PTPRF: variants seen among roughly 807,000 people sequenced by gnomAD.
The protein encoded by PTPRF is protein tyrosine phosphatase receptor type F.
Under a neutral mutation model 201.8 loss-of-function variants are expected in PTPRF, and 59 were observed. The observed-to-expected ratio is 0.29, with a 90% CI of 0.24 to 0.36. PTPRF has a LOEUF of 0.36. PTPRF is among the 10% of genes least tolerant of loss of function. The pLI is 1.00. For synonymous variants in PTPRF, 1,088 were observed against 1,089.7 expected, an observed-to-expected ratio of 1.00 and a Z score of 0.03; for missense variants, 2,132 against 2,690.5, an observed-to-expected ratio of 0.79 and a Z score of 4.59.
In PTPRF at chr1:43,604,041, G is replaced by A. The variant is rs1403943474; in HGVS notation, c.2889G>A (p.Glu963=). 1.2e-6 allele frequency: 2 copies of A among 1,614,276 alleles called. No homozygotes were observed. Among genetic ancestry groups the A allele is most frequent in the Non-Finnish European group, 1.7e-6 (2 of 1,180,060 alleles). ...TCCGAGACATCAACAGCCAACAGGAGCTGCAGAACATCACGACAGACACCC... is the reference window on the plus strand; with the variant it reads ...TCCGAGACATCAACAGCCAACAGGAACTGCAGAACATCACGACAGACACCC... ...VVFRDINSQQ[E]LQNITTDTRF... The change falls in exon 16 of 34, where the codon GAG becomes GAA. Residue 963 remains glutamate (E), a synonymous_variant. Transcript: ENST00000359947.
At chr1:43,549,100 C>G (rs565536444) in intron 3 of PTPRF, among the ~76,000 whole-genome samples, 1 of 152,348 alleles carries the variant, frequency 6.6e-6, no homozygotes, top group East Asian at 1.9e-4. Context: ...GGCCCCCGAC[C>G]ACTGTGTGTG....
intron 1 of PTPRF, among the ~76,000 whole-genome samples, chr1:43,532,937 G>A (rs892863761): frequency 9.2e-5 from 14 of 151,942 alleles, no homozygotes; most frequent in Admixed American, 2.0e-4. Context: ...ACCTGGGCCC[G>A]CATGCCGGCC....
At position 43,617,808 on chromosome 1, in the gene PTPRF, C is replaced by T. The variant is rs748798640; in HGVS notation, c.4268C>T (p.Thr1423Met). 3.6e-5 allele frequency: 58 copies of T among 1,614,000 alleles called. No homozygotes were observed. The highest frequency in any genetic ancestry group is 5.5e-5 in the South Asian group (5 of 91,086). ...GYRKQNAYIA[T>M]QGPLPETMGD... is the part of the protein sequence containing the mutation. ...CGCAAGCAGAATGCCTACATCGCCA[C>T]GCAGGGCCCCCTGCCCGAGACCATG... The change falls in exon 25 of 34, where the codon ACG becomes ATG. Residue 1423 changes from threonine (T) to methionine (M), a missense_variant. Thr to Met is a moderately conservative substitution (Grantham distance 81). This residue lies in a region of PTPRF where 22 missense variants were observed against 48.1 expected (regional missense o/e 0.46). Coordinates refer to ENST00000359947, the MANE Select transcript of PTPRF (RefSeq NM_002840.5).
rs370468115 is a variant in PTPRF, at chr1:43,568,069, G to A, written c.380-1521G>A. Among the ~76,000 whole-genome samples the A allele has an allele frequency of 2.6e-5, 4 of 152,220 alleles. No individual in the cohort carries two copies. In the South Asian group the frequency reaches 8.3e-4, roughly 32 times the overall value. ...CCAGCACTTTGGGAGGCCGAGGCGG[G>A]TAGATCACCAGAGGTCAGAAGTTCG... On this transcript the variant is annotated intron_variant, in intron 5 of 33. Transcript: ENST00000359947.
upstream of PTPRF, among the ~76,000 whole-genome samples, chr1:43,522,819 G>A (rs531468166): frequency 8.5e-4 from 129 of 152,300 alleles, no homozygotes; most frequent in East Asian, 5.8e-4. Context: ...GGATGAGGTG[G>A]GGAGGTAGGC....
At chr1:43,617,613 G>T (rs978094281) in intron 24 of PTPRF, 45 bp downstream of exon 24, 1 of 1,611,654 alleles carries the variant, frequency 6.2e-7, no homozygotes, top group Non-Finnish European at 8.5e-7. Flanking sequence ...TCTCCCCCTT[G>T]CTAGCTAGGG....
chr1:43,591,728 A>T, intron 9 of PTPRF, 84 bp from the exon 10 acceptor site: 1 of 1,549,368 alleles, frequency 6.5e-7, no homozygotes, highest in Non-Finnish European at 8.7e-7. Context: ...TGAGGTTAGG[A>T]CCTGACTTCC....
At chr1:43,545,230 C>T (rs1243031704) in intron 3 of PTPRF, 64 bp downstream of exon 3, 12 of 1,482,130 alleles carry the variant, frequency 8.1e-6, no homozygotes, top group Non-Finnish European at 1.0e-5. Context: ...CCCAGCAGGA[C>T]TCTGGGATGG....
rs1203282758 is a variant in PTPRF at position 43,617,493 on chromosome 1, G to T, written c.4120G>T (p.Val1374Leu). The T allele has an allele frequency of 1.9e-5, 30 of 1,614,030 alleles. No individual in the cohort carries two copies. Among genetic ancestry groups the T allele is most frequent in the Non-Finnish European group, 2.5e-5 (30 of 1,180,028 alleles). Residue 1374 changes from valine (V) to leucine (L), a missense_variant, in exon 24 of 34, where the codon GTG becomes TTG. This residue lies in a region of PTPRF where 818 missense variants were observed against 915.3 expected (regional missense o/e 0.89). Coordinates refer to ENST00000359947, the MANE Select transcript of PTPRF (RefSeq NM_002840.5). ...CACGTGGGAGAATTCAAACCTGGAG[G>T]TGAACAAGCCCAAGAACCGCTATGC... ...QFTWENSNLE[V>L]NKPKNRYANV...
intron 1 of PTPRF, among the ~76,000 whole-genome samples, chr1:43,532,076 G>T (rs753219882): frequency 6.6e-6 from 1 of 151,960 alleles, no homozygotes; most frequent in Non-Finnish European, 1.5e-5. Context: ...TGTTCTCTCC[G>T]CTTGGGTCTC....
At position 43,591,391 on chromosome 1, in the gene PTPRF, C is replaced by T. The variant is rs1161603881; in HGVS notation, c.1369C>T (p.Arg457Cys). The T allele has an allele frequency of 7.0e-6, 11 of 1,561,990 alleles. No homozygotes were observed. The highest frequency in any genetic ancestry group is 1.4e-5 in the African/African-American group (1 of 73,772). ...CGTCTACTATACTCCGGACTCCCGC[C>T]GCCCCCCGAACGCCTGGCACAAGCA... ...YRVYYTPDSR[R>C]PPNAWHKHNT... Residue 457 changes from arginine (R) to cysteine (C), a missense_variant, in exon 9 of 34, where the codon CGC becomes TGC. Arg to Cys is a radical substitution (Grantham distance 180, BLOSUM62 -3). Coordinates refer to ENST00000359947, the MANE Select transcript of PTPRF (RefSeq NM_002840.5).
Position 43,598,743 on chromosome 1 carries a change from G to A in PTPRF, c.2143G>A (p.Val715Met). The A allele has an allele frequency of 6.2e-7, 1 of 1,613,902 alleles. No homozygotes were observed. The highest frequency in any genetic ancestry group is 8.5e-7 in the Non-Finnish European group (1 of 1,179,796). The change falls in exon 13 of 34, where the codon GTG becomes ATG. Residue 715 changes from valine to methionine, a missense_variant. By Grantham distance (21) the Val-to-Met change is conservative (BLOSUM62 1). Around this residue, in one of 6 missense-constraint regions of PTPRF, gnomAD observed 125 missense variants for 211.9 expected, o/e 0.59. Coordinates refer to ENST00000359947, the MANE Select transcript of PTPRF (RefSeq NM_002840.5). ...AGTGCCCAGCGGGCCTCCGCGGAAG[G>A]TGGAGGTGGAGCCACTGAACTCCAC... is the stretch of plus-strand genomic sequence containing the variant. The part of the protein sequence containing the change: ...EDVPSGPPRK[V>M]EVEPLNSTAV...
intron 5 of PTPRF, among the ~76,000 whole-genome samples, chr1:43,556,181 TA>T (rs1645357130): frequency 6.6e-6 from 1 of 152,292 alleles, no homozygotes; most frequent in South Asian, 2.1e-4. Flanking sequence ...TGGCCATTTT[TA>T]CGCTGTGGCT....
intron 7 of PTPRF, among the ~76,000 whole-genome samples, chr1:43,587,529 A>G (rs1649466002): frequency 6.6e-6 from 1 of 152,120 alleles, no homozygotes; most frequent in African/African-American, 2.4e-5. Flanking sequence ...TTCTAGCTCT[A>G]GTTCTGTGAT....
intron 7 of PTPRF, chr1:43,583,115 T>C (rs1470645206): frequency 2.0e-6 from 2 of 984,782 alleles, no homozygotes; most frequent in Non-Finnish European, 2.4e-6. Flanking sequence ...TCACTTCTTA[T>C]CCATCTACAG....
chr1:43,614,632 C>T (rs539204572), intron 23 of PTPRF, among the ~76,000 whole-genome samples: 3 of 152,232 alleles, frequency 2.0e-5, no homozygotes, highest in Middle Eastern at 3.4e-3. Context: ...GGGTGGATCA[C>T]CTGAGGTCGA....
chr1:43,547,888 G>A (rs547108447), intron 3 of PTPRF, among the ~76,000 whole-genome samples: 1 of 152,332 alleles, frequency 6.6e-6, no homozygotes, highest in South Asian at 2.1e-4. Flanking sequence ...GGAGGTTGTG[G>A]GGCCAGAGGT....
At position 43,603,433 on chromosome 1, in the gene PTPRF, C is replaced by T. The variant is rs1362271000; in HGVS notation, c.2358C>T (p.Gly786=). ...TCCCTCAGGAAACCACTATCAGCGGCCTGACCCCGGAGACCACCTACTCCG... is the reference window on the plus strand; with the variant it reads ...TCCCTCAGGAAACCACTATCAGCGGTCTGACCCCGGAGACCACCTACTCCG... ...ESEDYETTIS[G]LTPETTYSVT... Residue 786 remains glycine, a synonymous_variant, in exon 15 of 34, where the codon GGC becomes GGT. Transcript: ENST00000359947. This position sits in a 1 kb window ranked among gnomAD's most constrained non-coding sequence, Gnocchi z 5.8. 1 of 1,614,140 alleles carries T rather than the reference C, an allele frequency of 6.2e-7. No individual in the cohort carries two copies.
At chr1:43,544,999 G>T in intron 2 of PTPRF, 32 bp from the exon 3 acceptor site, 1 of 1,323,344 alleles carries the variant, frequency 7.6e-7, no homozygotes, top group Non-Finnish European at 1.0e-6. Context: ...GTAAATACCA[G>T]CTAACTGGCT....
Sources: gnomAD v4.1 joint callset for allele counts (sites outside exome capture counted in the v4.1 genomes callset) on GRCh38, gnomAD v4.1.1 for gene constraint, gnomAD v4.1.1 regional missense constraint, Gnocchi (gnomAD v3.1) non-coding constraint, MANE v1.5 for transcripts, NCBI Gene and HGNC (gene_info 2026-07-23, HGNC 2026-07-21) for gene names.